ARMC2: variants seen among roughly 807,000 people sequenced by gnomAD.
ARMC2 encodes armadillo repeat containing 2.
In ARMC2, 67 loss-of-function variants were observed where a neutral mutation model predicts 90.3. The ratio of observed to expected loss-of-function variants is 0.74; its 90% CI spans 0.61 to 0.91. The LOEUF is 0.91. ARMC2 is among the 40% of genes least tolerant of loss of function. The pLI is 0.00. For missense variants in ARMC2, 920 were observed against 1,030.9 expected, an observed-to-expected ratio of 0.89 and a Z score of 1.47; for synonymous variants, 393 against 393.0, an observed-to-expected ratio of 1.00 and a Z score of 0.00.
the ARMC2 span, among the ~76,000 whole-genome samples, chr6:109,039,290 A>G: frequency 6.6e-6 from 1 of 152,230 alleles, no homozygotes; most frequent in African/African-American, 2.4e-5. Flanking sequence ...TGGAATATAA[A>G]TTGTATATAC....
chr6:109,031,613 C>G, the ARMC2 span, among the ~76,000 whole-genome samples: 1 of 152,172 alleles, frequency 6.6e-6, no homozygotes, highest in African/African-American at 2.4e-5. Flanking sequence ...TGAAAATTTC[C>G]TCTGTGGCAG....
chr6:108,869,111 G>C (rs757087493), intron 4 of ARMC2, 116 bp downstream of exon 4: 43 of 1,136,012 alleles, frequency 3.8e-5, no homozygotes, highest in Non-Finnish European at 4.9e-5. Flanking sequence ...TATTAACTAA[G>C]ATTAGTTAAT....
chr6:109,000,599 G>T, the ARMC2 span: 2 of 1,612,148 alleles, frequency 1.2e-6, 1 homozygote, highest in South Asian at 2.2e-5. Flanking sequence ...TGAGCCACTT[G>T]GGGTCCCCAC....
chr6:108,939,916 A>G (rs1776294333), intron 12 of ARMC2, among the ~76,000 whole-genome samples: 1 of 152,224 alleles, frequency 6.6e-6, no homozygotes. Flanking sequence ...ACCAAAGGTC[A>G]TTATTATAAG....
intron 8 of ARMC2, among the ~76,000 whole-genome samples, chr6:108,907,458 CTTTTTTTTT>C (rs759986578): frequency 2.9e-5 from 3 of 104,454 alleles, no homozygotes; most frequent in Non-Finnish European, 6.0e-5. Flanking sequence ...TTCTTTCTTT[CTTTTTTTTT>C]TTTTTTTTTT....
intron 5 of ARMC2, among the ~76,000 whole-genome samples, chr6:108,886,077 TA>T (rs961175795): frequency 7.2e-5 from 11 of 152,244 alleles, no homozygotes; most frequent in African/African-American, 2.7e-4. Flanking sequence ...GTCTTTTTCT[TA>T]TGGCAAGGAT....
intron 8 of ARMC2, 74 bp downstream of exon 8, chr6:108,904,479 T>C: frequency 2.3e-6 from 3 of 1,322,958 alleles, no homozygotes; most frequent in Non-Finnish European, 3.1e-6. Flanking sequence ...TTTTTAAATA[T>C]TACAAAGAAT....
At chr6:108,866,067 CTG>C (rs1229961847) in intron 3 of ARMC2, among the ~76,000 whole-genome samples, 1 of 147,578 alleles carries the variant, frequency 6.8e-6, no homozygotes, top group Non-Finnish European at 1.5e-5. Context: ...GTTTGGGTGT[CTG>C]TAGAAGGAGC....
intron 5 of ARMC2, among the ~76,000 whole-genome samples, chr6:108,892,587 C>T (rs1423325752): frequency 6.6e-6 from 1 of 151,722 alleles, no homozygotes. Context: ...TGGAGAAACC[C>T]CATCTCTACT....
chr6:108,985,396 G>GTA, the ARMC2 span, among the ~76,000 whole-genome samples: 1 of 152,190 alleles, frequency 6.6e-6, no homozygotes, highest in African/African-American at 2.4e-5. Flanking sequence ...TATCCCCAGT[G>GTA]TAATGTACCT....
chr6:108,938,599 C>CTTTTTTTTTT (rs4027582), intron 12 of ARMC2, among the ~76,000 whole-genome samples: 39 of 83,114 alleles, frequency 4.7e-4, no homozygotes, highest in East Asian at 1.4e-3. Flanking sequence ...CCATTACTAC[C>CTTTTTTTTTT]TTTTTTTTTT....
intron 10 of ARMC2, among the ~76,000 whole-genome samples, chr6:108,923,767 G>A (rs991155438): frequency 3.9e-5 from 6 of 152,058 alleles, no homozygotes; most frequent in South Asian, 2.1e-4. Flanking sequence ...CTGCATCTGC[G>A]TGGTGGCCTT....
the ARMC2 span, among the ~76,000 whole-genome samples, chr6:109,038,505 C>CA: frequency 6.6e-6 from 1 of 152,038 alleles, no homozygotes; most frequent in Non-Finnish European, 1.5e-5. Context: ...TCTCAAAAAA[C>CA]AAAAAACAAC....
At chr6:108,908,231 A>G (rs929330015) in intron 8 of ARMC2, among the ~76,000 whole-genome samples, 1 of 152,202 alleles carries the variant, frequency 6.6e-6, no homozygotes, top group Non-Finnish European at 1.5e-5. Flanking sequence ...CCTCAAGTGC[A>G]AAGTGTGAAC....
chr6:108,958,459 A>G (rs1777754909), intron 13 of ARMC2, among the ~76,000 whole-genome samples: 1 of 152,176 alleles, frequency 6.6e-6, no homozygotes, highest in Admixed American at 6.5e-5. Flanking sequence ...AGCTGTGAGT[A>G]CCTACCCTCT....
Position 108,876,323 on chromosome 6 carries a change from C to A in ARMC2, c.644C>A (p.Ser215Tyr). The A allele has an allele frequency of 6.2e-7, 1 of 1,612,232 alleles. No homozygotes were observed. The highest frequency in any genetic ancestry group is 8.5e-7 in the Non-Finnish European group (1 of 1,179,408). ...CAAGAAATGTTCAAAGGAACAACAT[C>A]TTTACCATCTCATCTCAAGAATGGA... ...KEQEMFKGTT[S>Y]LPSHLKNGGD... is the part of the protein sequence containing the mutation. The change falls in exon 5 of 18, where the codon TCT becomes TAT. Residue 215 changes from serine (S) to tyrosine (Y), a missense_variant. Transcript: ENST00000392644.
intron 3 of ARMC2, among the ~76,000 whole-genome samples, chr6:108,859,370 C>T (rs1024984530): frequency 6.6e-6 from 1 of 152,136 alleles, no homozygotes; most frequent in African/African-American, 2.4e-5. Flanking sequence ...GTCTCAAGTC[C>T]TCTTTCTTGA....
chr6:109,009,136 T>C, the ARMC2 span: 1 of 686,116 alleles, frequency 1.5e-6, no homozygotes, highest in African/African-American at 1.9e-5. Flanking sequence ...CGACTCACGG[T>C]GCGCAGGTCT....
intron 10 of ARMC2, among the ~76,000 whole-genome samples, chr6:108,913,340 A>G (rs1341430000): frequency 1.3e-5 from 2 of 152,196 alleles, no homozygotes. Context: ...TAAAAATTAG[A>G]TTTAGGCCCT....
Sources: gnomAD v4.1 joint callset for allele counts (sites outside exome capture counted in the v4.1 genomes callset) on GRCh38, gnomAD v4.1.1 for gene constraint, MANE v1.5 for transcripts, NCBI Gene and HGNC (gene_info 2026-07-23, HGNC 2026-07-21) for gene names.